TRIM66: variants seen among roughly 807,000 people sequenced by gnomAD.
TRIM66 encodes the protein tripartite motif containing 66, also known as tripartite motif-containing protein 66.
A neutral mutation model predicts 148.2 loss-of-function variants in TRIM66; 99 were observed. That is an observed-to-expected ratio of 0.67 (90% confidence interval 0.57 to 0.79). The LOEUF (loss-of-function observed/expected upper bound fraction) is 0.79, where lower values mean the gene tolerates loss of function less well. Among genes scored for constraint, TRIM66 ranks in the 30% least tolerant of loss-of-function variants. TRIM66 has a pLI of 0.00. For synonymous variants in TRIM66, 616 were observed against 635.9 expected, an observed-to-expected ratio of 0.97 and a Z score of 0.47; for missense variants, 1,666 against 1,697.9, an observed-to-expected ratio of 0.98 and a Z score of 0.33.
At chr11:8,620,335 G>A (rs7943945) in intron 21 of TRIM66, 111 bp downstream of exon 21, 1,477,106 of 1,479,080 alleles carry the variant, frequency 1, 737,588 homozygotes, top group East Asian at 1. Flanking sequence ...GGCATAGGAC[G>A]AAGAAATGTA....
At chr11:8,651,678 G>A in intron 7 of TRIM66, 122 bp downstream of exon 7, 2 of 847,268 alleles carry the variant, frequency 2.4e-6, no homozygotes, top group South Asian at 1.4e-5. Context: ...TGGATGATTA[G>A]GAAAACTGAT....
intron 15 of TRIM66, among the ~76,000 whole-genome samples, chr11:8,632,287 G>A (rs2035475245): frequency 1.3e-5 from 2 of 151,898 alleles, no homozygotes; most frequent in South Asian, 4.2e-4. Flanking sequence ...CAACCTGGGT[G>A]GCAGAGTGAG....
Position 8,672,000 on chromosome 11 carries a change from C to G in TRIM66, c.126G>C (p.Met42Ile), listed in dbSNP as rs1028504373. 3.3e-6 allele frequency: 5 copies of G among 1,535,972 alleles called. No individual in the cohort carries two copies. The highest frequency in any genetic ancestry group is 4.4e-6 in the Non-Finnish European group (5 of 1,146,932). ...CAGCTAGTGGCAGCCCCATAAAGCT[C>G]ATGCCCATGTCCACAGCCATGCCTG... ...LGTGMAVDMG[M>I]SFMGLPLAGQ... The change falls in exon 6 of 25, where the codon ATG becomes ATC. Residue 42 changes from methionine (M) to isoleucine (I), a missense_variant. By Grantham distance (10) the Met-to-Ile change is conservative. Transcript: ENST00000646038.
intron 9 of TRIM66, 88 bp from the exon 10 acceptor site, chr11:8,648,174 C>G: frequency 7.9e-7 from 1 of 1,267,526 alleles, no homozygotes; most frequent in Non-Finnish European, 1.1e-6. Flanking sequence ...AGGGAACTGT[C>G]TCAGCCAGAC....
chr11:8,657,879 C>A (rs1006838722), intron 6 of TRIM66, among the ~76,000 whole-genome samples: 1 of 152,260 alleles, frequency 6.6e-6, no homozygotes, highest in African/African-American at 2.4e-5. Context: ...GCTGCTTCTG[C>A]CCCAGCTGCC....
chr11:8,645,282 G>A (rs1402620131), intron 12 of TRIM66, among the ~76,000 whole-genome samples: 1 of 152,052 alleles, frequency 6.6e-6, no homozygotes, highest in Non-Finnish European at 1.5e-5. Flanking sequence ...AAACTCCATC[G>A]ACTTCTCTCA....
In TRIM66 at chr11:8,640,982, C is replaced by A; in HGVS notation, c.1393G>T (p.Val465Leu). ...ACTGGGGAGCAGTGGGAGCAGCACA[C>A]AGATGAGGAGCACACTGCTGGAGAC... ...FQSPAVCSSSVCCSHCSPVSP... is the reference protein window; with the variant it reads ...FQSPAVCSSSLCCSHCSPVSP... Residue 465 changes from valine (V) to leucine (L), a missense_variant, in exon 14 of 25, where the codon GTG becomes TTG. Physicochemically the swap from Val to Leu is conservative, Grantham distance 32 (BLOSUM62 1). Around this residue, in one of 3 missense-constraint regions of TRIM66, gnomAD observed 1,431 missense variants for 1,412.4 expected, o/e 1.01. Transcript: ENST00000646038. 1 of 1,551,412 alleles carries A rather than the reference C, an allele frequency of 6.4e-7. No homozygotes were observed. Among genetic ancestry groups the A allele is most frequent in the South Asian group, 1.2e-5 (1 of 84,034 alleles).
chr11:8,655,600 T>C (rs1363391843), intron 6 of TRIM66, among the ~76,000 whole-genome samples: 3 of 151,666 alleles, frequency 2.0e-5, no homozygotes, highest in Non-Finnish European at 4.4e-5. Flanking sequence ...TTGGTCAACA[T>C]AGAAAAACCC....
At chr11:8,652,046 C>T in intron 6 of TRIM66, 143 bp from the exon 7 acceptor site, 1 of 654,172 alleles carries the variant, frequency 1.5e-6, no homozygotes, top group Admixed American at 2.8e-5. Context: ...GATGCCATAG[C>T]CTGCATTTAG....
Position 8,672,271 on chromosome 11 carries a change from C to T in TRIM66, c.4G>A (p.Ala2Thr), listed in dbSNP as rs557758649. 89 of 1,536,148 alleles carry T rather than the reference C, an allele frequency of 5.8e-5. No individual in the cohort carries two copies. The highest frequency in any genetic ancestry group is 7.0e-5 in the Non-Finnish European group (80 of 1,146,916). The part of the protein sequence containing the change: M[A>T]RLSFWSQGVE... ...ACCTGGGACCAAAAAGAGAGTCTAG[C>T]CATCTCTGCCGTGGAAAACAAAGCG... The change falls in exon 5 of 25, where the codon GCT becomes ACT. Residue 2 changes from alanine (A) to threonine (T), a missense_variant. This residue lies in a region of TRIM66 where 1,431 missense variants were observed against 1,412.4 expected (regional missense o/e 1.01). Transcript: ENST00000646038.
chr11:8,640,241 C>T lies in TRIM66; in HGVS notation c.2134G>A (p.Glu712Lys). 1 of 1,551,526 alleles carries T rather than the reference C, an allele frequency of 6.4e-7. No homozygotes were observed. The highest frequency in any genetic ancestry group is 2.0e-5 in the Admixed American group (1 of 50,988). ...QPAPVQSQSQ[E>K]ETLQATDEPP... ...CTGACGCTTACCTGCAGGGTCTCCT[C>T]CTGGCTCTGGGACTGGACAGGTGCT... The change falls in exon 14 of 25, where the codon GAG becomes AAG. Residue 712 changes from glutamate (E) to lysine (K), a missense_variant. Around this residue, in one of 3 missense-constraint regions of TRIM66, gnomAD observed 1,431 missense variants for 1,412.4 expected, o/e 1.01. Transcript: ENST00000646038.
At chr11:8,620,170 C>A (rs1213120008) in intron 21 of TRIM66, 46 bp from the exon 22 acceptor site, 3 of 1,518,696 alleles carry the variant, frequency 2.0e-6, no homozygotes, top group African/African-American at 1.4e-5. Flanking sequence ...TCTGGTCTCA[C>A]CTCAGTATGA....
At chr11:8,630,513 A>G (rs1373545753) in intron 15 of TRIM66, among the ~76,000 whole-genome samples, 5 of 152,246 alleles carry the variant, frequency 3.3e-5, no homozygotes, top group African/African-American at 1.2e-4. Flanking sequence ...TACTGAAAAT[A>G]AACTATTTTC....
Position 8,620,475 on chromosome 11 carries a change from A to G in TRIM66, c.3643T>C (p.Ser1215Pro). ...TGGTCATACATGCTTAGGCCAGGAGATGCCCGCATTCCAGGCTGGTTATAG... is the reference window on the plus strand; with the variant it reads ...TGGTCATACATGCTTAGGCCAGGAGGTGCCCGCATTCCAGGCTGGTTATAG... ...ACYNQPGMRA[S>P]PGLSMYDQKK... Residue 1215 changes from serine (S) to proline (P), a missense_variant, in exon 21 of 25, where the codon TCT (serine) becomes CCT (proline). By Grantham distance (74) the Ser-to-Pro change is moderately conservative. This residue lies in a region of TRIM66 where 204 missense variants were observed against 231.0 expected (regional missense o/e 0.88). Coordinates refer to ENST00000646038, the MANE Select transcript of TRIM66 (RefSeq NM_001388022.1). The G allele has an allele frequency of 6.4e-7, 1 of 1,551,752 alleles. No homozygotes were observed. Among genetic ancestry groups the G allele is most frequent in the Non-Finnish European group, 8.7e-7 (1 of 1,147,010 alleles).
chr11:8,683,126 A>G, upstream of TRIM66: 1 of 1,443,532 alleles, frequency 6.9e-7, no homozygotes, highest in Non-Finnish European at 9.8e-7. Context: ...ACAGGCTTAC[A>G]GGACCATCTC....
rs1299398952 is a variant in TRIM66, at chr11:8,643,093, T to A, written c.1138A>T (p.Ser380Cys). Residue 380 changes from serine (S) to cysteine (C), a missense_variant, in exon 13 of 25, where the codon AGT becomes TGT. By Grantham distance (112) the Ser-to-Cys change is moderately radical. This residue lies in a region of TRIM66 where 1,431 missense variants were observed against 1,412.4 expected (regional missense o/e 1.01). Coordinates refer to ENST00000646038, the MANE Select transcript of TRIM66 (RefSeq NM_001388022.1). The part of the protein sequence containing the change: ...VFQMQRLLET[S>C]CNTDPGSPWS... Reference sequence around the variant, plus strand: ...GGGGAGCCAGGATCTGTGTTACAACTTGTCTCCAGCAATCGCTGCATCTGA... The same window carrying A: ...GGGGAGCCAGGATCTGTGTTACAACATGTCTCCAGCAATCGCTGCATCTGA... The A allele has an allele frequency of 1.3e-6, 2 of 1,550,942 alleles. No homozygotes were observed. The highest frequency in any genetic ancestry group is 2.7e-5 in the African/African-American group (2 of 72,968).
At chr11:8,623,290 A>G (rs2034486317) in intron 17 of TRIM66, among the ~76,000 whole-genome samples, 3 of 152,206 alleles carry the variant, frequency 2.0e-5, no homozygotes, top group Non-Finnish European at 4.4e-5. Flanking sequence ...AATCCAGCTC[A>G]CACTCCATGG....
intron 4 of TRIM66, among the ~76,000 whole-genome samples, chr11:8,673,443 G>T (rs2039038318): frequency 6.6e-6 from 1 of 152,198 alleles, no homozygotes; most frequent in Admixed American, 6.5e-5. Flanking sequence ...CTTGTCTCAG[G>T]TTAATGAGCT....
intron 20 of TRIM66, among the ~76,000 whole-genome samples, chr11:8,620,808 G>A (rs183215687): frequency 1.4e-3 from 217 of 152,368 alleles, no homozygotes; most frequent in Non-Finnish European, 2.4e-3. Flanking sequence ...CATGCAAGAA[G>A]AAGGTGAGAA....
Sources: gnomAD v4.1 joint callset for allele counts (sites outside exome capture counted in the v4.1 genomes callset) on GRCh38, gnomAD v4.1.1 for gene constraint, gnomAD v4.1.1 regional missense constraint, MANE v1.5 for transcripts, NCBI Gene and HGNC (gene_info 2026-07-23, HGNC 2026-07-21) for gene names.